GPC6: variants seen among roughly 807,000 people sequenced by gnomAD.
GPC6 encodes the protein glypican 6.
GPC6 carries 14 observed loss-of-function variants against 55.2 expected under a neutral mutation model. The observed-to-expected ratio is 0.25, with a 90% CI of 0.17 to 0.40. The LOEUF (loss-of-function observed/expected upper bound fraction) is 0.40, where lower values mean the gene tolerates loss of function less well. GPC6 is among the 10% of genes least tolerant of loss of function. The pLI is 1.00. For missense variants in GPC6, 641 were observed against 708.5 expected (o/e 0.90, Z 1.08); for synonymous variants, 278 against 259.6 (o/e 1.07, Z -0.68).
chr13:93,330,023 A>G (rs1259116247), intron 1 of GPC6, among the ~76,000 whole-genome samples: 2 of 152,220 alleles, frequency 1.3e-5, no homozygotes, highest in African/African-American at 4.8e-5. Context: ...TTTACTTATC[A>G]TATTGAACAA....
chr13:93,745,293 A>G (rs1884361362), intron 2 of GPC6, among the ~76,000 whole-genome samples: 1 of 151,962 alleles, frequency 6.6e-6, no homozygotes, highest in Non-Finnish European at 1.5e-5. Flanking sequence ...AAGTCCCTCT[A>G]TGTCCCATGC....
At chr13:93,830,982 A>AC in intron 3 of GPC6, 1 of 166,376 alleles carries the variant, frequency 6.0e-6, no homozygotes, top group Non-Finnish European at 1.3e-5. Context: ...GTTATTGTTC[A>AC]GGACATCAGC....
intron 4 of GPC6, among the ~76,000 whole-genome samples, chr13:94,091,861 T>C (rs537137530): frequency 2.6e-5 from 4 of 151,018 alleles, no homozygotes; most frequent in South Asian, 2.1e-4. Flanking sequence ...TGGTAACTGG[T>C]GAAGAAAAAC....
chr13:93,892,074 A>G (rs1875722858), intron 3 of GPC6, among the ~76,000 whole-genome samples: 1 of 152,116 alleles, frequency 6.6e-6, no homozygotes, highest in Admixed American at 6.5e-5. Context: ...ATATATACAC[A>G]TGTACACACT....
chr13:94,049,843 T>TAA (rs139967276), intron 4 of GPC6, among the ~76,000 whole-genome samples: 224 of 152,296 alleles, frequency 1.5e-3, no homozygotes, highest in African/African-American at 5.3e-3. Context: ...ATAGTTCCCA[T>TAA]AATCCCCACA....
intron 3 of GPC6, among the ~76,000 whole-genome samples, chr13:93,927,151 G>A (rs147617949): frequency 2.7e-3 from 414 of 152,280 alleles, no homozygotes; most frequent in Non-Finnish European, 4.5e-3. Flanking sequence ...AGACAGCCTA[G>A]AATTAAGTAA....
In GPC6 at chr13:93,723,029, A is replaced by G. The variant is rs1279912051; in HGVS notation, c.320-107125A>G. ...ACATTCACAGGTATTAGGGGTTAGT[A>G]CCCCAGCATATATTTTTGGAGAATA... On this transcript the variant is annotated intron_variant, in intron 2 of 8. Coordinates refer to ENST00000377047, the MANE Select transcript of GPC6 (RefSeq NM_005708.5). Among the ~76,000 whole-genome samples the G allele has an allele frequency of 2.6e-5, 4 of 151,930 alleles. No homozygotes were observed. In the East Asian group the frequency reaches 7.8e-4, roughly 29 times the overall value.
At chr13:93,604,041 T>A (rs1878135305) in intron 2 of GPC6, among the ~76,000 whole-genome samples, 1 of 152,226 alleles carries the variant, frequency 6.6e-6, no homozygotes, top group Non-Finnish European at 1.5e-5. Flanking sequence ...GACAAACAAA[T>A]TTAATGCCAA....
chr13:93,644,264 A>G (rs1880081227), intron 2 of GPC6, among the ~76,000 whole-genome samples: 1 of 152,082 alleles, frequency 6.6e-6, no homozygotes, highest in Non-Finnish European at 1.5e-5. Flanking sequence ...AAAATGCTAA[A>G]TAAGGTCATT....
intron 6 of GPC6, among the ~76,000 whole-genome samples, chr13:94,322,725 A>C (rs1876894443): frequency 6.6e-6 from 1 of 152,176 alleles, no homozygotes; most frequent in African/African-American, 2.4e-5. Flanking sequence ...ATGGAGATAC[A>C]AAATTGGCCA....
chr13:93,610,159 C>A (rs925491036), intron 2 of GPC6, among the ~76,000 whole-genome samples: 7 of 152,110 alleles, frequency 4.6e-5, no homozygotes, highest in Admixed American at 1.3e-4. Context: ...TTGGATATTT[C>A]TTTACACTCT....
intron 6 of GPC6, among the ~76,000 whole-genome samples, chr13:94,334,595 A>T (rs1264197905): frequency 6.6e-6 from 1 of 152,216 alleles, no homozygotes; most frequent in Non-Finnish European, 1.5e-5. Flanking sequence ...CGAGTTCTCA[A>T]GCCCCATTCC....
At chr13:93,951,562 A>G (rs979282266) in intron 3 of GPC6, among the ~76,000 whole-genome samples, 5 of 152,142 alleles carry the variant, frequency 3.3e-5, no homozygotes, top group African/African-American at 1.2e-4. Context: ...GATAACCAGT[A>G]ATGGCTTTGG....
intron 4 of GPC6, among the ~76,000 whole-genome samples, chr13:94,250,883 C>G (rs1250448592): frequency 6.6e-6 from 1 of 152,086 alleles, no homozygotes; most frequent in Non-Finnish European, 1.5e-5. Flanking sequence ...TTAAATTCCT[C>G]TTAAAGGTGC....
At chr13:93,925,207 C>T (rs1877791380) in intron 3 of GPC6, among the ~76,000 whole-genome samples, 1 of 152,008 alleles carries the variant, frequency 6.6e-6, no homozygotes, top group Non-Finnish European at 1.5e-5. Flanking sequence ...TCACTTAAGG[C>T]CATAGTTTTA....
In GPC6 at chr13:94,282,526, A is replaced by G. The variant is rs115832548; in HGVS notation, c.878-3823A>G. Reference sequence around the variant, plus strand: ...GTTCAAATGAGATTTGGGTGGGGACACAGCCAAACCATATCACTGTGGACC... The same window carrying G: ...GTTCAAATGAGATTTGGGTGGGGACGCAGCCAAACCATATCACTGTGGACC... On this transcript the variant is annotated intron_variant, in intron 4 of 8. Coordinates refer to ENST00000377047, the MANE Select transcript of GPC6 (RefSeq NM_005708.5). 7.6e-3 allele frequency among the ~76,000 whole-genome samples: 1,154 copies of G among 152,318 alleles called. 21 individuals are homozygous for G. The highest frequency in any genetic ancestry group is 0.026 in the African/African-American group (1,073 of 41,572).
intron 7 of GPC6, among the ~76,000 whole-genome samples, chr13:94,395,928 T>G (rs1381387790): frequency 2.0e-5 from 3 of 152,210 alleles, no homozygotes; most frequent in African/African-American, 7.2e-5. Flanking sequence ...TGGGCTCCCT[T>G]GCCCACCAGC....
intron 2 of GPC6, among the ~76,000 whole-genome samples, chr13:93,645,723 C>T (rs1436942489): frequency 1.3e-5 from 2 of 151,986 alleles, no homozygotes; most frequent in East Asian, 3.9e-4. Context: ...TTTTTCAGTT[C>T]ATAGGGCTTC....
intron 6 of GPC6, among the ~76,000 whole-genome samples, chr13:94,322,660 G>A (rs1284968756): frequency 6.6e-6 from 1 of 151,962 alleles, no homozygotes; most frequent in African/African-American, 2.4e-5. Context: ...TAAAAAATAA[G>A]AAAACAAAAA....
Sources: allele counts gnomAD v4.1 joint callset (sites outside exome capture counted in the v4.1 genomes callset), GRCh38; gene constraint gnomAD v4.1.1; transcripts MANE v1.5; gene names NCBI Gene and HGNC (gene_info 2026-07-23, HGNC 2026-07-21).